The following SELENOI variants were observed in gnomAD, a reference collection of about 807,000 sequenced individuals.
SELENOI encodes selenoprotein I, also known as ethanolaminephosphotransferase 1.
Under a neutral mutation model 50.7 loss-of-function variants are expected in SELENOI, and 24 were observed. The observed-to-expected ratio is 0.47, with a 90% CI of 0.34 to 0.67. The LOEUF is 0.67. SELENOI is among the 30% of genes least tolerant of loss of function. SELENOI has a pLI of 0.01. For missense variants in SELENOI, 352 were observed against 461.4 expected (o/e 0.76, Z 2.17); for synonymous variants, 155 against 170.2 (o/e 0.91, Z 0.70).
At chr2:26,349,451 C>T (rs1399784832) in intron 1 of SELENOI, among the ~76,000 whole-genome samples, 2 of 151,844 alleles carry the variant, frequency 1.3e-5, no homozygotes, top group African/African-American at 2.4e-5. Context: ...GGATTACAGG[C>T]GCCTGCCACC....
At chr2:26,351,515 G>C (rs908113301) in intron 1 of SELENOI, among the ~76,000 whole-genome samples, 1 of 152,230 alleles carries the variant, frequency 6.6e-6, no homozygotes, top group Middle Eastern at 3.2e-3. Flanking sequence ...AAATCAGACT[G>C]TACTACCAGG....
chr2:26,371,299 G>A (rs1255428515), intron 4 of SELENOI, among the ~76,000 whole-genome samples: 1 of 151,374 alleles, frequency 6.6e-6, no homozygotes, highest in African/African-American at 2.4e-5. Flanking sequence ...CTCCCAGACG[G>A]GGTGGCGGCC....
At chr2:26,365,593 A>G (rs1677270372) in intron 3 of SELENOI, among the ~76,000 whole-genome samples, 1 of 152,220 alleles carries the variant, frequency 6.6e-6, no homozygotes, top group Admixed American at 6.5e-5. Context: ...AGAGGAATAG[A>G]AAGTTGGAGA....
At chr2:26,367,293 C>A in intron 4 of SELENOI, 73 bp downstream of exon 4, 1 of 1,151,382 alleles carries the variant, frequency 8.7e-7, no homozygotes, top group Non-Finnish European at 1.3e-6. Flanking sequence ...ATTAAAATAA[C>A]ATTTTCTCCT....
Position 26,386,238 on chromosome 2 carries a change from G to A in SELENOI, c.913-116G>A, listed in dbSNP as rs900812803. On this transcript the variant is annotated intron_variant, in intron 8 of 9. Coordinates refer to ENST00000260585, the MANE Select transcript of SELENOI (RefSeq NM_033505.4). The stretch of plus-strand genomic sequence containing the variant: ...GAACTTCTGAACTTAGATAATGTAA[G>A]TGTGTTGGTTCAGGTACTTGAATGC... 46 of 1,022,142 alleles carry A rather than the reference G, an allele frequency of 4.5e-5. No homozygotes were observed. The Middle Eastern group carries it at 2.7e-3, about 59-fold the overall frequency. The allele number at this position is 1,022,142 out of a possible 1,614,324, so 63.3% of individuals were successfully genotyped here. A position where few individuals can be genotyped will look rare whatever the true frequency, so the allele number is the denominator to read the frequency against.
intron 6 of SELENOI, among the ~76,000 whole-genome samples, chr2:26,381,732 G>A (rs1039902058): frequency 3.3e-5 from 5 of 152,106 alleles, no homozygotes; most frequent in South Asian, 2.1e-4. Context: ...CTCTAAGTTC[G>A]TCTAATTTGG....
At position 26,395,093 on chromosome 2, in the gene SELENOI, A is replaced by T. The variant is rs1678060343; in HGVS notation, c.*5990A>T. The stretch of plus-strand genomic sequence containing the variant: ...TGGGACGTGCAGTGTTCATAGTAGC[A>T]ATGTATGTACCATTTATTTTATCTG... On this transcript the variant is annotated 3_prime_UTR_variant, in exon 10 of 10. Coordinates refer to ENST00000260585, the MANE Select transcript of SELENOI (RefSeq NM_033505.4). The T allele has an allele frequency of 6.6e-6, 1 of 152,244 alleles. No homozygotes were observed. The highest frequency in any genetic ancestry group is 2.4e-5 in the African/African-American group (1 of 41,466). 9.4% of individuals were successfully genotyped at this position (152,244 alleles called of 1,614,324 possible). A position where few individuals can be genotyped will look rare whatever the true frequency, so the allele number is the denominator to read the frequency against.
Position 26,346,735 on chromosome 2 carries a change from CCTG to C in SELENOI, c.57+450_57+452del, listed in dbSNP as rs961078629. ...GAGGGGAGCGACTTGCCGATGCCAT[CCTG>C]CTGATGTCTCCACTTCTGCTCCCGG... On this transcript the variant is annotated intron_variant, in intron 1 of 9. Transcript: ENST00000260585. 8 of 157,920 alleles carry C rather than the reference CCTG, an allele frequency of 5.1e-5. 1 individual carries two copies. The highest frequency in any genetic ancestry group is 1.9e-4 in the African/African-American group (8 of 41,582). The allele number at this position is 157,920 out of a possible 1,614,324, so 9.8% of individuals were successfully genotyped here.
At position 26,391,643 on chromosome 2, in the gene SELENOI, G is replaced by A. The variant is rs1050156023; in HGVS notation, c.*2540G>A. On this transcript the variant is annotated 3_prime_UTR_variant, in exon 10 of 10. Transcript: ENST00000260585. Reference sequence around the variant, plus strand: ...AGAATAGAGTGCCTTAGCTAGGCCAGAGGCTCGTATTGTGTTTCTGCTGAC... The same window carrying A: ...AGAATAGAGTGCCTTAGCTAGGCCAAAGGCTCGTATTGTGTTTCTGCTGAC... The A allele has an allele frequency of 7.2e-5, 11 of 152,172 alleles. No homozygotes were observed. The highest frequency in any genetic ancestry group is 1.2e-4 in the Non-Finnish European group (8 of 68,046). 9.4% of individuals were successfully genotyped at this position (152,172 alleles called of 1,614,324 possible). A position where few individuals can be genotyped will look rare whatever the true frequency, so the allele number is the denominator to read the frequency against.
At chr2:26,352,747 G>A (rs951298174) in intron 1 of SELENOI, among the ~76,000 whole-genome samples, 2 of 151,354 alleles carry the variant, frequency 1.3e-5, no homozygotes, top group Non-Finnish European at 2.9e-5. Flanking sequence ...TCGTGCCACT[G>A]CACTCCAGCA....
At chr2:26,378,780 C>T (rs997886272) in intron 6 of SELENOI, among the ~76,000 whole-genome samples, 5 of 152,122 alleles carry the variant, frequency 3.3e-5, no homozygotes, top group Non-Finnish European at 7.3e-5. Flanking sequence ...AATTGTCCTC[C>T]CTTTTTATGC....
chr2:26,393,034 G>A lies in SELENOI; in HGVS notation c.*3931G>A, dbSNP rs6739625. On this transcript the variant is annotated 3_prime_UTR_variant, in exon 10 of 10. Coordinates refer to ENST00000260585, the MANE Select transcript of SELENOI (RefSeq NM_033505.4). ...GGTGTTAAATCTCTGAAACTTGAAC[G>A]TATGATGCTCTGGACATTTTAGGAA... 0.4 allele frequency: 60,934 copies of A among 152,530 alleles called. 13,708 individuals carry two copies. The highest frequency in any genetic ancestry group is 0.51 in the Non-Finnish European group (34,889 of 67,972). 9.4% of individuals were successfully genotyped at this position (152,530 alleles called of 1,614,324 possible).
chr2:26,370,821 G>T (rs1371317836), intron 4 of SELENOI, among the ~76,000 whole-genome samples: 7 of 125,202 alleles, frequency 5.6e-5, no homozygotes, highest in Admixed American at 7.4e-5. Flanking sequence ...GCGGCTGGCC[G>T]GGCGGGGGGC....
chr2:26,364,224 A>T, intron 1 of SELENOI, 78 bp from the exon 2 acceptor site: 1 of 1,084,678 alleles, frequency 9.2e-7, no homozygotes, highest in Non-Finnish European at 1.4e-6. Flanking sequence ...CTTTACTATT[A>T]TTTTCACCTA....
chr2:26,387,492 A>G (rs929116264), intron 9 of SELENOI, among the ~76,000 whole-genome samples: 1 of 151,620 alleles, frequency 6.6e-6, no homozygotes, highest in Admixed American at 6.6e-5. Flanking sequence ...GGAGTTCGAG[A>G]CCACCCTGGG....
At chr2:26,347,291 G>A (rs998526784) in intron 1 of SELENOI, among the ~76,000 whole-genome samples, 7 of 152,152 alleles carry the variant, frequency 4.6e-5, no homozygotes, top group Non-Finnish European at 7.4e-5. Flanking sequence ...CTCGCCATTA[G>A]AATATAATGC....
rs1678030258 is a variant in SELENOI at position 26,394,014 on chromosome 2, A to C, written c.*4911A>C. ...AGCACTTTTTGAATATCTCAAGAGT[A>C]AGTTCTTGACCTGGAACATATATAG... On this transcript the variant is annotated 3_prime_UTR_variant, in exon 10 of 10. Transcript: ENST00000260585. The surrounding 1 kb of genome is among the most constrained non-coding windows in gnomAD (Gnocchi z 4.1). 6.6e-6 allele frequency: 1 copy of C among 152,230 alleles called. No homozygotes were observed. The highest frequency in any genetic ancestry group is 1.5e-5 in the Non-Finnish European group (1 of 68,030). 9.4% of individuals were successfully genotyped at this position (152,230 alleles called of 1,614,324 possible).
chr2:26,370,314 C>G (rs1468359374), intron 4 of SELENOI, among the ~76,000 whole-genome samples: 1 of 151,756 alleles, frequency 6.6e-6, no homozygotes, highest in Non-Finnish European at 1.5e-5. Flanking sequence ...CACCTTTCCC[C>G]CCTTTCTATT....
At chr2:26,360,427 G>A (rs1412241949) in intron 1 of SELENOI, among the ~76,000 whole-genome samples, 3 of 152,146 alleles carry the variant, frequency 2.0e-5, no homozygotes, top group South Asian at 2.1e-4. Flanking sequence ...TCCTGAAGTC[G>A]AAATTTCATG....
Sources: allele counts gnomAD v4.1 joint callset (sites outside exome capture counted in the v4.1 genomes callset), GRCh38; gene constraint gnomAD v4.1.1; non-coding constraint Gnocchi (gnomAD v3.1); transcripts MANE v1.5; gene names NCBI Gene and HGNC (gene_info 2026-07-23, HGNC 2026-07-21).